Variants in TET3 observed in about 807,000 individuals in gnomAD.
The protein encoded by TET3 is tet methylcytosine dioxygenase 3.
In TET3, 19 loss-of-function variants were observed where a neutral mutation model predicts 141.4. The ratio of observed to expected loss-of-function variants is 0.13; its 90% confidence interval spans 0.09 to 0.20. The LOEUF is 0.20. TET3 is among the 10% of genes least tolerant of loss of function. The pLI is 1.00. For synonymous variants in TET3, 1,043 were observed against 980.9 expected, an observed-to-expected ratio of 1.06 and a Z score of -1.18; for missense variants, 1,874 against 2,356.9, an observed-to-expected ratio of 0.80 and a Z score of 4.24.
rs1405670530 is a variant in TET3 at position 74,106,172 on chromosome 2, TTG to T, written c.*4000_*4001del. 2 of 151,704 alleles carry T rather than the reference TTG, an allele frequency of 1.3e-5. No homozygotes were observed. 9.4% of individuals were successfully genotyped at this position (151,704 alleles called of 1,614,324 possible). A position where few individuals can be genotyped will look rare whatever the true frequency, so the allele number is the denominator to read the frequency against. On this transcript the variant is annotated 3_prime_UTR_variant, in exon 12 of 12. Coordinates refer to ENST00000409262, the MANE Select transcript of TET3 (RefSeq NM_001287491.2). ...ATAATCTGCTCTGAGCAGTGTTGTG[TTG>T]TGTTGTATTGTTCTTCCCTTGGTGG...
chr2:74,087,711 T>G lies in TET3; in HGVS notation c.2680-119T>G. ...AGGTTGCTGTCTTCAGGGCATGACATCCCTAGAACCCTGCCGTTAAGACCT... is the reference window on the plus strand; with the variant it reads ...AGGTTGCTGTCTTCAGGGCATGACAGCCCTAGAACCCTGCCGTTAAGACCT... On this transcript the variant is annotated intron_variant, in intron 6 of 11. Transcript: ENST00000409262. This position sits in a 1 kb window ranked among gnomAD's most constrained non-coding sequence, Gnocchi z 4.3. 1.1e-6 allele frequency: 1 copy of G among 925,974 alleles called. No individual in the cohort carries two copies. Among genetic ancestry groups the G allele is most frequent in the Admixed American group, 3.1e-5 (1 of 31,886 alleles). The allele number at this position is 925,974 out of a possible 1,614,324, so 57.4% of individuals were successfully genotyped here. A position where few individuals can be genotyped will look rare whatever the true frequency, so the allele number is the denominator to read the frequency against.
In TET3 at chr2:74,099,261, C is replaced by A. The variant is rs750213830; in HGVS notation, c.3268-15C>A. On this transcript the variant is annotated splice_polypyrimidine_tract_variant and intron_variant, in intron 10 of 11. Coordinates refer to ENST00000409262, the MANE Select transcript of TET3 (RefSeq NM_001287491.2). ...CCCCAACCCCATGTCCTCTCTCCCC[C>A]ACTGCTTGGGGCAGGTCTGCACCCT... 4 of 1,562,474 alleles carry A rather than the reference C, an allele frequency of 2.6e-6. No homozygotes were observed. Among genetic ancestry groups the A allele is most frequent in the Non-Finnish European group, 3.5e-6 (4 of 1,151,090 alleles).
At position 73,986,664 on chromosome 2, in the gene TET3, A is replaced by T. The variant is rs1684042757; in HGVS notation, c.261A>T (p.Arg87=). ...NRRTHQICKL[R]KCEVLKKKVG... ...GCACGCACCAGATCTGCAAACTGCG[A>T]AAATGTGAGGTGCTGAAGAAAAAAG... The change falls in exon 2 of 12, where the codon CGA becomes CGT. Residue 87 remains arginine, a synonymous_variant. Coordinates refer to ENST00000409262, the MANE Select transcript of TET3 (RefSeq NM_001287491.2). 2 of 1,232,014 alleles carry T rather than the reference A, an allele frequency of 1.6e-6. No homozygotes were observed. 76.3% of individuals were successfully genotyped at this position (1,232,014 alleles called of 1,614,324 possible).
At position 74,047,777 on chromosome 2, in the gene TET3, C is replaced by T; in HGVS notation, c.1860C>T (p.Leu620=). The T allele has an allele frequency of 1.2e-6, 2 of 1,613,848 alleles. No homozygotes were observed. Among genetic ancestry groups the T allele is most frequent in the South Asian group, 1.1e-5 (1 of 91,050 alleles). ...KKSRPREAQP[L]FPPVRQIVLE... ...CCAGGCCCCGGGAAGCACAGCCCCTCTTCCCACCTGTCCGACAGATTGTCC... is the reference window on the plus strand; with the variant it reads ...CCAGGCCCCGGGAAGCACAGCCCCTTTTCCCACCTGTCCGACAGATTGTCC... Residue 620 remains leucine, a synonymous_variant, in exon 4 of 12, where the codon CTC becomes CTT. Coordinates refer to ENST00000409262, the MANE Select transcript of TET3 (RefSeq NM_001287491.2).
intron 4 of TET3, among the ~76,000 whole-genome samples, chr2:74,071,226 C>T (rs1224941730): frequency 6.6e-6 from 1 of 152,142 alleles, no homozygotes; most frequent in Non-Finnish European, 1.5e-5. Flanking sequence ...ACCCTCTTGA[C>T]CTAATTACCT....
At chr2:74,135,091 C>T in the TET3 span, 442 of 206,420 alleles carry the variant, frequency 2.1e-3, 4 homozygotes, top group African/African-American at 8.5e-3. Context: ...GAAAAGAACC[C>T]GGATCCTGGC....
At chr2:74,011,944 G>T (rs1266185120) in intron 3 of TET3, among the ~76,000 whole-genome samples, 1 of 151,888 alleles carries the variant, frequency 6.6e-6, no homozygotes, top group Non-Finnish European at 1.5e-5. Flanking sequence ...AGTCCAGTTA[G>T]TCATTTTTTT....
chr2:73,987,790 C>T (rs1230954274), intron 2 of TET3, among the ~76,000 whole-genome samples: 1 of 152,206 alleles, frequency 6.6e-6, no homozygotes, highest in African/African-American at 2.4e-5. Flanking sequence ...AAGCCTCTTC[C>T]AGCTGGGCTG....
chr2:74,095,354 G>C (rs955013812), intron 10 of TET3, among the ~76,000 whole-genome samples: 2 of 152,216 alleles, frequency 1.3e-5, no homozygotes, highest in Non-Finnish European at 2.9e-5. Context: ...AAGGAGCCCA[G>C]GGGGCCCTGG....
chr2:74,102,113 G>C lies in TET3; in HGVS notation c.5325G>C (p.Ser1775=), dbSNP rs371197422. ...AGGCACTGGCTGTGCCCACAGACTCGGCGGTCACCGTGTCCTCCTATGCCT... is the reference window on the plus strand; with the variant it reads ...AGGCACTGGCTGTGCCCACAGACTCCGCGGTCACCGTGTCCTCCTATGCCT... ...TRQALAVPTD[S]AVTVSSYAYT... Residue 1775 remains serine (S), a synonymous_variant, in exon 12 of 12, where the codon TCG becomes TCC. Transcript: ENST00000409262. 10 of 1,492,246 alleles carry C rather than the reference G, an allele frequency of 6.7e-6. No individual in the cohort carries two copies. The highest frequency in any genetic ancestry group is 8.9e-6 in the Non-Finnish European group (10 of 1,121,762). The allele number at this position is 1,492,246 out of a possible 1,614,324, so 92.4% of individuals were successfully genotyped here.
chr2:74,011,394 G>C (rs1019862199), intron 3 of TET3, among the ~76,000 whole-genome samples: 4 of 152,154 alleles, frequency 2.6e-5, no homozygotes, highest in Admixed American at 1.3e-4. Context: ...GAATTTCTAC[G>C]GCATTTGGAC....
downstream of TET3, among the ~76,000 whole-genome samples, chr2:74,108,886 T>C (rs1691637463): frequency 6.6e-6 from 1 of 152,190 alleles, no homozygotes; most frequent in Non-Finnish European, 1.5e-5. Flanking sequence ...GGTGGGAAAG[T>C]TCATCTCTGA....
intron 4 of TET3, among the ~76,000 whole-genome samples, chr2:74,055,756 A>T (rs1385204152): frequency 2.0e-5 from 3 of 152,170 alleles, no homozygotes; most frequent in Non-Finnish European, 4.4e-5. Flanking sequence ...GAATGGATTA[A>T]TTCATTCATG....
the TET3 span, chr2:74,122,507 A>ATTTT: frequency 1.5e-5 from 1 of 65,152 alleles, no homozygotes; most frequent in African/African-American, 6.3e-5. Context: ...ATATATATAT[A>ATTTT]TATATTTTTT....
intron 3 of TET3, among the ~76,000 whole-genome samples, chr2:74,011,169 A>G (rs772884028): frequency 3.6e-5 from 5 of 138,994 alleles, no homozygotes; most frequent in Non-Finnish European, 7.6e-5. Context: ...CAGAGGTTGC[A>G]GTGGGCCAAG....
chr2:74,108,624 G>A (rs780293931), downstream of TET3, among the ~76,000 whole-genome samples: 2 of 152,142 alleles, frequency 1.3e-5, no homozygotes, highest in African/African-American at 2.4e-5. Flanking sequence ...GCTGACCAGC[G>A]GCAGAGGTTT....
At chr2:74,092,473 G>C (rs1690555430) in intron 8 of TET3, among the ~76,000 whole-genome samples, 1 of 152,112 alleles carries the variant, frequency 6.6e-6, no homozygotes, top group Admixed American at 6.5e-5. Context: ...GGAATTTCTA[G>C]CATGGATCCT....
In TET3 at chr2:74,007,093, A is replaced by C. The variant is rs188925111; in HGVS notation, c.360+3927A>C. Reference sequence around the variant, plus strand: ...AAATCATTATTATTTGATTCTCACAAAACCATTGGAAGTAAGAGACATTGA... The same window carrying C: ...AAATCATTATTATTTGATTCTCACACAACCATTGGAAGTAAGAGACATTGA... On this transcript the variant is annotated intron_variant, in intron 3 of 11. Transcript: ENST00000409262. Among the ~76,000 whole-genome samples the C allele has an allele frequency of 2.6e-4, 40 of 152,324 alleles. 1 individual carries two copies. The East Asian group carries it at 3.3e-3, about 12-fold the overall frequency.
chr2:74,015,677 G>T (rs1053139919), intron 3 of TET3, among the ~76,000 whole-genome samples: 3 of 152,020 alleles, frequency 2.0e-5, no homozygotes, highest in Non-Finnish European at 4.4e-5. Context: ...AAATGTTGAG[G>T]TTATCAATAT....
Sources: allele counts gnomAD v4.1 joint callset (sites outside exome capture counted in the v4.1 genomes callset), GRCh38; gene constraint gnomAD v4.1.1; non-coding constraint Gnocchi (gnomAD v3.1); transcripts MANE v1.5; gene names NCBI Gene and HGNC (gene_info 2026-07-23, HGNC 2026-07-21).